Variants in MYH9 observed in about 807,000 individuals in gnomAD.
The protein encoded by MYH9 is myosin-9.
MYH9 carries 29 observed loss-of-function variants against 241.9 expected under a neutral mutation model. The ratio of observed to expected loss-of-function variants is 0.12; its 90% CI spans 0.09 to 0.16. The LOEUF (loss-of-function observed/expected upper bound fraction) is 0.16, where lower values mean the gene tolerates loss of function less well. MYH9 is among the 10% of genes least tolerant of loss of function. The probability of loss-of-function intolerance (pLI) is 1.00; values close to 1 mark genes in which losing one functional copy is unlikely to be tolerated. For missense variants in MYH9, 1,803 were observed against 2,595.5 expected, an observed-to-expected ratio of 0.69 and a Z score of 6.63; for synonymous variants, 1,047 against 1,062.6, an observed-to-expected ratio of 0.99 and a Z score of 0.29.
At chr22:36,301,832 C>T (rs1421445877) in intron 20 of MYH9, 167 bp from the exon 21 acceptor site, 22 of 857,640 alleles carry the variant, frequency 2.6e-5, no homozygotes, top group Admixed American at 4.2e-5. Flanking sequence ...CTCTGTACCA[C>T]GGGCTTCTGA....
intron 3 of MYH9, among the ~76,000 whole-genome samples, chr22:36,339,424 C>T (rs1316605646): frequency 6.6e-6 from 1 of 152,218 alleles, no homozygotes; most frequent in Non-Finnish European, 1.5e-5. Context: ...GAATGTTTTT[C>T]CACCAGGCTG....
intron 1 of MYH9, 37 bp from the exon 2 acceptor site, chr22:36,349,292 A>G: frequency 6.7e-7 from 1 of 1,488,932 alleles, no homozygotes. Context: ...ATTACATACA[A>G]CTACGTCAGC....
intron 3 of MYH9, among the ~76,000 whole-genome samples, chr22:36,331,205 GCT>G (rs2017414851): frequency 6.6e-6 from 1 of 152,118 alleles, no homozygotes; most frequent in Non-Finnish European, 1.5e-5. Context: ...TGAAGGGACT[GCT>G]CTGAGGATGG....
In MYH9 at chr22:36,287,431, GT is replaced by G. The variant is rs910008930; in HGVS notation, c.4933-586del. The stretch of plus-strand genomic sequence containing the variant: ...CAATGAAGTTTTAAAGTTTTTGTGG[GT>G]TTTTTTTTTACACTTAACATTTTTT... On this transcript the variant is annotated intron_variant, in intron 34 of 40. Transcript: ENST00000216181. 4.7e-5 allele frequency among the ~76,000 whole-genome samples: 7 copies of G among 148,766 alleles called. No individual in the cohort carries two copies. In the East Asian group the frequency reaches 7.8e-4, roughly 17 times the overall value.
In MYH9 at chr22:36,300,110, A is replaced by T. The variant is rs202104292; in HGVS notation, c.2976+17T>A. 180 of 1,608,514 alleles carry T rather than the reference A, an allele frequency of 1.1e-4. No homozygotes were observed. The highest frequency in any genetic ancestry group is 1.5e-4 in the Non-Finnish European group (172 of 1,179,966). On this transcript the variant is annotated intron_variant, in intron 23 of 40. Coordinates refer to ENST00000216181, the MANE Select transcript of MYH9 (RefSeq NM_002473.6). This position sits in a 1 kb window ranked among gnomAD's most constrained non-coding sequence, Gnocchi z 5.0. ...GGCGCCCCTGGAGCAGCGGCAGGCG[A>T]CAGCCACGGGCCTCACCTTGGCCAG...
intron 1 of MYH9, among the ~76,000 whole-genome samples, chr22:36,371,782 G>A (rs560833327): frequency 6.6e-5 from 10 of 152,086 alleles, no homozygotes; most frequent in Admixed American, 3.9e-4. Context: ...TGATCCGCCC[G>A]CCTCGGCCTC....
intron 25 of MYH9, 51 bp downstream of exon 25, chr22:36,296,792 G>A (rs2016794336): frequency 6.5e-7 from 1 of 1,547,778 alleles, no homozygotes; most frequent in African/African-American, 1.4e-5. Context: ...CAGCAAGCAG[G>A]AAGGGCTGGC....
chr22:36,295,921 T>C lies in MYH9; in HGVS notation c.3273-204A>G, dbSNP rs1243059364. ...CCCCTCTGAGAAGCAGAAAACCTCA[T>C]AGAGGAATCGTTTCAATTTCCAAAG... On this transcript the variant is annotated intron_variant, in intron 25 of 40. Transcript: ENST00000216181. The surrounding 1 kb of genome is among the most constrained non-coding windows in gnomAD (Gnocchi z 4.1). 1.3e-5 allele frequency among the ~76,000 whole-genome samples: 2 copies of C among 152,186 alleles called. No homozygotes were observed. Among genetic ancestry groups the C allele is most frequent in the African/African-American group, 4.8e-5 (2 of 41,446 alleles).
At chr22:36,308,591 A>G (rs2017008574) in intron 15 of MYH9, among the ~76,000 whole-genome samples, 2 of 152,148 alleles carry the variant, frequency 1.3e-5, no homozygotes, top group African/African-American at 2.4e-5. Context: ...AATTCCAGAC[A>G]CAGCCCCTCA....
At chr22:36,287,618 T>C (rs2016608839) in intron 34 of MYH9, among the ~76,000 whole-genome samples, 1 of 152,170 alleles carries the variant, frequency 6.6e-6, no homozygotes, top group African/African-American at 2.4e-5. Flanking sequence ...GGCGTGCGCC[T>C]GTAGTCCCAG....
intron 5 of MYH9, among the ~76,000 whole-genome samples, chr22:36,325,611 G>A (rs1430281146): frequency 6.6e-6 from 1 of 152,270 alleles, no homozygotes; most frequent in Non-Finnish European, 1.5e-5. Context: ...GGCGGTGGCA[G>A]GTGAGGGCAG....
Position 36,306,570 on chromosome 22 carries a change from C to G in MYH9, c.1881G>C (p.Met627Ile). 6.2e-7 allele frequency: 1 copy of G among 1,613,926 alleles called. No homozygotes were observed. Among genetic ancestry groups the G allele is most frequent in the South Asian group, 1.1e-5 (1 of 91,084 alleles). ...AGGCCCCGGGCAGTGCGGTCTCCGA[C>G]ATGCCGGCCACCTGGTCCAGGCCGA... is the stretch of plus-strand genomic sequence containing the variant. ...RIIGLDQVAG[M>I]SETALPGAFK... The change falls in exon 16 of 41, where the codon ATG (methionine) becomes ATC (isoleucine). Residue 627 changes from methionine to isoleucine, a missense_variant. Physicochemically the swap from Met to Ile is conservative, Grantham distance 10. Coordinates refer to ENST00000216181, the MANE Select transcript of MYH9 (RefSeq NM_002473.6). The surrounding 1 kb of genome is among the most constrained non-coding windows in gnomAD (Gnocchi z 4.1).
chr22:36,362,812 T>C (rs1258078744), intron 1 of MYH9, among the ~76,000 whole-genome samples: 1 of 152,136 alleles, frequency 6.6e-6, no homozygotes, highest in Non-Finnish European at 1.5e-5. Flanking sequence ...AAACAACCAA[T>C]GAGCCAGGGC....
chr22:36,309,209 G>C, intron 15 of MYH9, 73 bp downstream of exon 15: 1 of 1,279,238 alleles, frequency 7.8e-7, no homozygotes, highest in Non-Finnish European at 1.1e-6. Flanking sequence ...TTGGCAGCTC[G>C]GCCCACTGTG....
chr22:36,324,662 C>T (rs1426395782), intron 5 of MYH9, among the ~76,000 whole-genome samples: 2 of 152,242 alleles, frequency 1.3e-5, no homozygotes, highest in East Asian at 1.9e-4. Flanking sequence ...TTCTGTGCTC[C>T]GGCAGCCTGT....
chr22:36,379,191 C>T (rs370619374), intron 1 of MYH9, among the ~76,000 whole-genome samples: 1 of 152,194 alleles, frequency 6.6e-6, no homozygotes, highest in African/African-American at 2.4e-5. Flanking sequence ...AGATTAGCTT[C>T]GAGCTCCCCC....
chr22:36,304,689 T>C (rs1228749677), intron 18 of MYH9, among the ~76,000 whole-genome samples: 1 of 152,174 alleles, frequency 6.6e-6, no homozygotes, highest in Non-Finnish European at 1.5e-5. Context: ...GCCCTGGCTG[T>C]GAGCTGCCCT....
At chr22:36,348,855 C>A (rs753295708) in intron 2 of MYH9, 49 bp downstream of exon 2, 9 of 1,295,054 alleles carry the variant, frequency 6.9e-6, no homozygotes, top group Non-Finnish European at 8.6e-6. Flanking sequence ...CCCCCCCCCA[C>A]CTCGGAGCCC....
chr22:36,347,724 C>T (rs1458395261), intron 2 of MYH9, among the ~76,000 whole-genome samples: 1 of 148,454 alleles, frequency 6.7e-6, no homozygotes. Flanking sequence ...AACAGAGCTA[C>T]TTTGGGAGGC....
Sources: allele counts gnomAD v4.1 joint callset (sites outside exome capture counted in the v4.1 genomes callset), GRCh38; gene constraint gnomAD v4.1.1; non-coding constraint Gnocchi (gnomAD v3.1); transcripts MANE v1.5; gene names NCBI Gene and HGNC (gene_info 2026-07-23, HGNC 2026-07-21).